The following PRR16 variants were observed in gnomAD, a reference collection of about 807,000 sequenced individuals.
PRR16 encodes the protein protein Largen.
In PRR16, 6 loss-of-function variants were observed where a neutral mutation model predicts 18.2. That is an observed-to-expected ratio of 0.33 (90% CI 0.18 to 0.65). The LOEUF (loss-of-function observed/expected upper bound fraction) is 0.65, where lower values mean the gene tolerates loss of function less well. PRR16 is among the 30% of genes least tolerant of loss of function. The probability of loss-of-function intolerance (pLI) is 0.74; values close to 1 mark genes in which losing one functional copy is unlikely to be tolerated. For synonymous variants in PRR16, 151 were observed against 147.8 expected, an observed-to-expected ratio of 1.02 and a Z score of -0.16; for missense variants, 412 against 376.6, an observed-to-expected ratio of 1.09 and a Z score of -0.78.
chr5:120,517,344 CCA>C (rs1185977073), intron 1 of PRR16, among the ~76,000 whole-genome samples: 8 of 152,250 alleles, frequency 5.3e-5, no homozygotes, highest in African/African-American at 1.9e-4. Context: ...TGACCATCCA[CCA>C]CAGAGTGATT....
At chr5:120,711,452 T>C in the PRR16 span, among the ~76,000 whole-genome samples, 39,062 of 152,068 alleles carry the variant, frequency 0.26, 5,844 homozygotes, top group East Asian at 0.63. Flanking sequence ...GTATCTAATG[T>C]GATGTTTGCC....
chr5:120,639,925 A>G (rs566694687), intron 1 of PRR16, among the ~76,000 whole-genome samples: 1 of 152,150 alleles, frequency 6.6e-6, no homozygotes, highest in Admixed American at 6.6e-5. Context: ...TAAGGAAAAT[A>G]TGGTCCCTAT....
chr5:120,519,648 C>A (rs1373245833), intron 1 of PRR16, among the ~76,000 whole-genome samples: 1 of 152,040 alleles, frequency 6.6e-6, no homozygotes, highest in African/African-American at 2.4e-5. Flanking sequence ...TGATTATTTT[C>A]ATTTATAAAC....
At chr5:120,541,386 T>G (rs547433723) in intron 1 of PRR16, among the ~76,000 whole-genome samples, 1 of 152,190 alleles carries the variant, frequency 6.6e-6, no homozygotes, top group Admixed American at 6.5e-5. Flanking sequence ...CCTCAGCTGA[T>G]CTGCCCACCT....
the PRR16 span, among the ~76,000 whole-genome samples, chr5:120,736,349 C>T: frequency 6.6e-6 from 1 of 152,094 alleles, no homozygotes. Context: ...ACTGCAACCT[C>T]TGTCTCCCGG....
At chr5:120,527,431 G>A (rs1396722468) in intron 1 of PRR16, among the ~76,000 whole-genome samples, 1 of 152,138 alleles carries the variant, frequency 6.6e-6, no homozygotes, top group Non-Finnish European at 1.5e-5. Flanking sequence ...GCCTGATTTG[G>A]CACACAGCTG....
chr5:120,581,974 A>G (rs901010327), intron 1 of PRR16, among the ~76,000 whole-genome samples: 2 of 152,122 alleles, frequency 1.3e-5, no homozygotes, highest in African/African-American at 4.8e-5. Context: ...AGTAATTTCA[A>G]AAGAAATTAT....
the PRR16 span, among the ~76,000 whole-genome samples, chr5:120,749,768 C>T: frequency 1.4e-4 from 22 of 152,244 alleles, no homozygotes; most frequent in South Asian, 4.6e-3. Flanking sequence ...ACAGTGTTTA[C>T]AGAAAGGAAT....
chr5:120,786,920 G>C, the PRR16 span, among the ~76,000 whole-genome samples: 4 of 152,068 alleles, frequency 2.6e-5, no homozygotes, highest in East Asian at 5.8e-4. Context: ...TTACAAGAAT[G>C]AGAATATGAC....
chr5:120,496,139 A>G (rs909396560), intron 1 of PRR16, among the ~76,000 whole-genome samples: 3 of 152,050 alleles, frequency 2.0e-5, no homozygotes, highest in Non-Finnish European at 4.4e-5. Flanking sequence ...ATTAAATGCT[A>G]CTTGATCATG....
the PRR16 span, among the ~76,000 whole-genome samples, chr5:120,774,096 C>A: frequency 6.6e-6 from 1 of 152,022 alleles, no homozygotes; most frequent in African/African-American, 2.4e-5. Context: ...ATGAAAATAT[C>A]AGTTTCTCAG....
chr5:120,602,323 T>C (rs953225042), intron 1 of PRR16, among the ~76,000 whole-genome samples: 12 of 152,018 alleles, frequency 7.9e-5, no homozygotes, highest in Non-Finnish European at 1.6e-4. Context: ...TTTTCATGGC[T>C]ATTGTAAATG....
At chr5:120,622,665 G>A (rs973914125) in intron 1 of PRR16, among the ~76,000 whole-genome samples, 1 of 151,862 alleles carries the variant, frequency 6.6e-6, no homozygotes, top group Non-Finnish European at 1.5e-5. Flanking sequence ...TTTTAGTAGA[G>A]ACAGAGTTTC....
chr5:120,766,694 C>T, the PRR16 span, among the ~76,000 whole-genome samples: 4 of 151,980 alleles, frequency 2.6e-5, no homozygotes, highest in African/African-American at 9.6e-5. Context: ...TTCCACAAGG[C>T]TATAAGCAGC....
chr5:120,653,404 A>T (rs1447474484), intron 1 of PRR16, among the ~76,000 whole-genome samples: 1 of 152,080 alleles, frequency 6.6e-6, no homozygotes, highest in African/African-American at 2.4e-5. Context: ...ATTTTTTAAA[A>T]TTAAGAAACA....
chr5:120,698,821 T>C, the PRR16 span, among the ~76,000 whole-genome samples: 1 of 152,096 alleles, frequency 6.6e-6, no homozygotes, highest in Non-Finnish European at 1.5e-5. Context: ...GTTCTACTTT[T>C]CTTGAAGATG....
chr5:120,493,130 C>T (rs761661644), intron 1 of PRR16, among the ~76,000 whole-genome samples: 2 of 152,122 alleles, frequency 1.3e-5, no homozygotes, highest in Non-Finnish European at 2.9e-5. Context: ...TAAGGAATGT[C>T]TATATTATTT....
At chr5:120,468,332 T>C (rs1455797839) in intron 1 of PRR16, among the ~76,000 whole-genome samples, 2 of 152,164 alleles carry the variant, frequency 1.3e-5, no homozygotes, top group African/African-American at 4.8e-5. Flanking sequence ...CTAAGTCTTT[T>C]GGAGAAATGG....
chr5:120,642,647 T>C (rs1755461668), intron 1 of PRR16, among the ~76,000 whole-genome samples: 1 of 152,152 alleles, frequency 6.6e-6, no homozygotes, highest in Admixed American at 6.6e-5. Context: ...ACATGTACAC[T>C]GAGATTTATC....
Sources: allele counts gnomAD v4.1 joint callset (sites outside exome capture counted in the v4.1 genomes callset), GRCh38; gene constraint gnomAD v4.1.1; transcripts MANE v1.5; gene names NCBI Gene and HGNC (gene_info 2026-07-23, HGNC 2026-07-21).